The following TNRC6A variants were observed in gnomAD, a reference collection of about 807,000 sequenced individuals.
The protein encoded by TNRC6A is trinucleotide repeat containing adaptor 6A, also known as trinucleotide repeat-containing gene 6A protein.
TNRC6A carries 44 observed loss-of-function variants against 221.2 expected under a neutral mutation model. The observed-to-expected ratio is 0.20, with a 90% CI of 0.16 to 0.26. The LOEUF is 0.26. Ranked by LOEUF, TNRC6A falls within the 10% of genes least tolerant of loss-of-function variation. The probability of loss-of-function intolerance (pLI) is 1.00; values close to 1 mark genes in which losing one functional copy is unlikely to be tolerated. For missense variants in TNRC6A, 2,199 were observed against 2,404.4 expected, an observed-to-expected ratio of 0.91 and a Z score of 1.79; for synonymous variants, 847 against 838.5, an observed-to-expected ratio of 1.01 and a Z score of -0.18.
chr16:24,666,724 G>GA (rs1248693538), intron 2 of TNRC6A, among the ~76,000 whole-genome samples: 4 of 141,364 alleles, frequency 2.8e-5, no homozygotes, highest in Non-Finnish European at 6.0e-5. Context: ...GTGACAGCTG[G>GA]AAAAAATCTC....
Position 24,823,303 on chromosome 16 carries a change from G to T in TNRC6A, c.5514-129G>T, listed in dbSNP as rs1326571120. On this transcript the variant is annotated intron_variant, in intron 24 of 24. Transcript: ENST00000395799. The surrounding 1 kb of genome is among the most constrained non-coding windows in gnomAD (Gnocchi z 4.3). ...GGTGAAGGGAGGGCACGCAGGTTAT[G>T]TGGTGTAGTCTCTCCCTCTGTGCCT... The T allele has an allele frequency of 1.7e-6, 2 of 1,191,096 alleles. No individual in the cohort carries two copies. Among genetic ancestry groups the T allele is most frequent in the African/African-American group, 3.1e-5 (2 of 65,410 alleles). 73.8% of individuals were successfully genotyped at this position (1,191,096 alleles called of 1,614,324 possible).
intron 2 of TNRC6A, among the ~76,000 whole-genome samples, chr16:24,681,419 G>T (rs1044956954): frequency 6.6e-6 from 1 of 152,160 alleles, no homozygotes; most frequent in East Asian, 1.9e-4. Context: ...GTAGAGACAG[G>T]GTTTTCCCAT....
intron 2 of TNRC6A, among the ~76,000 whole-genome samples, chr16:24,642,820 C>T (rs184179982): frequency 6.6e-6 from 1 of 151,898 alleles, no homozygotes; most frequent in African/African-American, 2.4e-5. Context: ...CTCCATCTCA[C>T]TGGCTTGAGG....
chr16:24,765,977 A>G (rs2057463712), intron 4 of TNRC6A, among the ~76,000 whole-genome samples: 1 of 152,224 alleles, frequency 6.6e-6, no homozygotes, highest in Admixed American at 6.5e-5. Context: ...AAATACTAAT[A>G]CATTTATTAA....
intron 2 of TNRC6A, among the ~76,000 whole-genome samples, chr16:24,660,584 T>C: frequency 6.6e-6 from 1 of 152,112 alleles, no homozygotes; most frequent in East Asian, 1.9e-4. Context: ...TTTTCTGTTG[T>C]GTTCTCACAT....
intron 2 of TNRC6A, among the ~76,000 whole-genome samples, chr16:24,667,636 G>C (rs1339938642): frequency 6.6e-6 from 1 of 152,170 alleles, no homozygotes; most frequent in Non-Finnish European, 1.5e-5. Context: ...CTGTAGAATA[G>C]AAATAGTATT....
intron 2 of TNRC6A, among the ~76,000 whole-genome samples, chr16:24,690,528 C>T (rs1191260417): frequency 6.6e-6 from 1 of 152,072 alleles, no homozygotes; most frequent in African/African-American, 2.4e-5. Context: ...GTGCCTACTA[C>T]ATGAAAACAT....
intron 2 of TNRC6A, among the ~76,000 whole-genome samples, chr16:24,677,164 CTT>C (rs57906267): frequency 5.0e-5 from 7 of 138,846 alleles, no homozygotes; most frequent in Admixed American, 2.2e-4. Flanking sequence ...CTTTTTTTTT[CTT>C]TTTTTTTTTT....
chr16:24,789,181 T>G (rs767927034), intron 5 of TNRC6A, 51 bp from the exon 6 acceptor site: 2 of 1,489,444 alleles, frequency 1.3e-6, no homozygotes, highest in Non-Finnish European at 1.8e-6. Context: ...TTAGTATCAT[T>G]TTGAAATGGC....
At chr16:24,736,949 T>A (rs948252244) in intron 2 of TNRC6A, among the ~76,000 whole-genome samples, 1 of 152,202 alleles carries the variant, frequency 6.6e-6, no homozygotes, top group Non-Finnish European at 1.5e-5. Flanking sequence ...TTGCTTGTTT[T>A]CAGCTTTGAC....
At chr16:24,669,202 A>G (rs1458727349) in intron 2 of TNRC6A, among the ~76,000 whole-genome samples, 1 of 152,144 alleles carries the variant, frequency 6.6e-6, no homozygotes, top group Non-Finnish European at 1.5e-5. Context: ...CATCTGTACA[A>G]TCTCTTCTAA....
intron 1 of TNRC6A, among the ~76,000 whole-genome samples, chr16:24,633,291 A>G (rs1270774259): frequency 6.6e-6 from 1 of 152,226 alleles, no homozygotes; most frequent in African/African-American, 2.4e-5. Flanking sequence ...AATTTAAAGT[A>G]CAGTGCTTTG....
chr16:24,642,306 A>G (rs1901991216), intron 2 of TNRC6A, among the ~76,000 whole-genome samples: 1 of 152,130 alleles, frequency 6.6e-6, no homozygotes, highest in African/African-American at 2.4e-5. Context: ...AGCCATGGAA[A>G]ATCTGAGAGC....
chr16:24,648,371 A>T (rs1156516631), intron 2 of TNRC6A, among the ~76,000 whole-genome samples: 1 of 146,748 alleles, frequency 6.8e-6, no homozygotes, highest in Non-Finnish European at 1.5e-5. Context: ...CCCCAGTTCA[A>T]GCGATTCTCC....
intron 1 of TNRC6A, among the ~76,000 whole-genome samples, chr16:24,612,697 T>A (rs1900116299): frequency 6.6e-6 from 1 of 151,692 alleles, no homozygotes. Context: ...CAGTGAGCCA[T>A]GATTGCGCCA....
At chr16:24,807,470 G>A (rs1244054106) in intron 17 of TNRC6A, among the ~76,000 whole-genome samples, 1 of 152,234 alleles carries the variant, frequency 6.6e-6, no homozygotes, top group Non-Finnish European at 1.5e-5. Context: ...GAGAATTTTT[G>A]AGCAGTGCTG....
rs969831598 is a variant in TNRC6A, at chr16:24,780,266, TTC to T, written c.589+2917_589+2918del. On this transcript the variant is annotated intron_variant, in intron 5 of 24. Coordinates refer to ENST00000395799, the MANE Select transcript of TNRC6A (RefSeq NM_014494.4). ...CCATCTTGACTTGACACACCTCTCTTTCTCTCTCTCATATATGCATGCATGTG... is the reference window on the plus strand; with the variant it reads ...CCATCTTGACTTGACACACCTCTCTTTCTCTCTCATATATGCATGCATGTG... Among the ~76,000 whole-genome samples the T allele has an allele frequency of 1.7e-3, 254 of 152,152 alleles. 2 individuals are homozygous for T. Among genetic ancestry groups the T allele is most frequent in the African/African-American group, 5.7e-3 (236 of 41,520 alleles).
intron 2 of TNRC6A, among the ~76,000 whole-genome samples, chr16:24,732,141 C>G (rs1199415100): frequency 6.6e-6 from 1 of 152,176 alleles, no homozygotes. Context: ...GCAGTGTGTA[C>G]TAAGGATCCA....
At chr16:24,810,623 A>G (rs1470062074) in intron 18 of TNRC6A, among the ~76,000 whole-genome samples, 1 of 152,222 alleles carries the variant, frequency 6.6e-6, no homozygotes, top group Admixed American at 6.5e-5. Context: ...AGAATAGTGC[A>G]TGCAGGGTTC....
Sources: gnomAD v4.1 joint callset for allele counts (sites outside exome capture counted in the v4.1 genomes callset) on GRCh38, gnomAD v4.1.1 for gene constraint, Gnocchi (gnomAD v3.1) non-coding constraint, MANE v1.5 for transcripts, NCBI Gene and HGNC (gene_info 2026-07-23, HGNC 2026-07-21) for gene names.